The following ANTXR1 variants were observed in gnomAD, a reference collection of about 807,000 sequenced individuals.
ANTXR1 encodes the protein anthrax toxin receptor 1.
A neutral mutation model predicts 78.1 loss-of-function variants in ANTXR1; 19 were observed. The ratio of observed to expected loss-of-function variants is 0.24; its 90% CI spans 0.17 to 0.36. ANTXR1 has a LOEUF of 0.36. Ranked by LOEUF, ANTXR1 falls within the 10% of genes least tolerant of loss-of-function variation. The pLI is 1.00. For synonymous variants in ANTXR1, 273 were observed against 260.5 expected (o/e 1.05, Z -0.46); for missense variants, 518 against 718.6 (o/e 0.72, Z 3.19).
chr2:69,102,745 C>A, intron 9 of ANTXR1, 97 bp from the exon 10 acceptor site: 1 of 1,282,426 alleles, frequency 7.8e-7, no homozygotes, highest in Non-Finnish European at 1.1e-6. Context: ...ATATTTTAAG[C>A]CTGGTGAAAT....
In ANTXR1 at chr2:69,013,282, G is replaced by A; in HGVS notation, c.-218G>A. On this transcript the variant is annotated 5_prime_UTR_variant, in exon 1 of 18. Transcript: ENST00000303714. The surrounding 1 kb of genome is among the most constrained non-coding windows in gnomAD (Gnocchi z 5.0). ...TTTAAAAGAAGCGGAGGACAGGATT[G>A]GGATCCTTGAAACCCGAAACCCAGA... is the stretch of plus-strand genomic sequence containing the variant. The A allele has an allele frequency of 3.0e-6, 2 of 671,904 alleles. No individual in the cohort carries two copies. The highest frequency in any genetic ancestry group is 5.1e-6 in the Non-Finnish European group (2 of 393,456). The allele number at this position is 671,904 out of a possible 1,614,324, so 41.6% of individuals were successfully genotyped here. A position where few individuals can be genotyped will look rare whatever the true frequency, so the allele number is the denominator to read the frequency against.
chr2:69,108,107 G>T (rs1437812389), intron 10 of ANTXR1, among the ~76,000 whole-genome samples: 1 of 152,212 alleles, frequency 6.6e-6, no homozygotes, highest in Non-Finnish European at 1.5e-5. Flanking sequence ...AATGTGGCTA[G>T]TGCAATTGAG....
At chr2:69,018,065 GGAAA>G (rs981475772) in intron 1 of ANTXR1, among the ~76,000 whole-genome samples, 3 of 152,176 alleles carry the variant, frequency 2.0e-5, no homozygotes, top group African/African-American at 7.2e-5. Flanking sequence ...ATAGAATGTG[GGAAA>G]GAGAGCAGGA....
intron 17 of ANTXR1, among the ~76,000 whole-genome samples, chr2:69,217,564 C>G (rs1374985450): frequency 1.3e-5 from 2 of 152,172 alleles, no homozygotes; most frequent in Non-Finnish European, 2.9e-5. Context: ...CCCATGGGAG[C>G]TCATGGTTGT....
chr2:69,146,076 T>C, intron 12 of ANTXR1: 2 of 985,472 alleles, frequency 2.0e-6, no homozygotes, highest in Non-Finnish European at 2.4e-6. Context: ...GAGAATGTCA[T>C]CCCTAATGAC....
intron 8 of ANTXR1, among the ~76,000 whole-genome samples, chr2:69,089,294 A>ATC (rs1671152094): frequency 6.6e-6 from 1 of 152,228 alleles, no homozygotes; most frequent in Non-Finnish European, 1.5e-5. Flanking sequence ...CAATGAATGC[A>ATC]TCTTAATATT....
intron 16 of ANTXR1, among the ~76,000 whole-genome samples, chr2:69,191,922 C>T (rs550544582): frequency 1.3e-5 from 2 of 152,350 alleles, no homozygotes; most frequent in East Asian, 3.9e-4. Flanking sequence ...TTCCTCTCCA[C>T]AGCCCTCTGG....
At chr2:69,042,414 C>A (rs1010741490) in intron 2 of ANTXR1, among the ~76,000 whole-genome samples, 3 of 152,112 alleles carry the variant, frequency 2.0e-5, no homozygotes, top group African/African-American at 7.2e-5. Flanking sequence ...TCTCTGAGAT[C>A]CAAGTATCCC....
rs1670939989 is a variant in ANTXR1, at chr2:69,013,776, G to A, written c.152+125G>A. On this transcript the variant is annotated intron_variant, in intron 1 of 17. Transcript: ENST00000303714. This position sits in a 1 kb window ranked among gnomAD's most constrained non-coding sequence, Gnocchi z 5.0. Reference sequence around the variant, plus strand: ...GCATCTCCAGGGCCACAGAGGGACCGCGCGGCAGGCGGCGGCGGAGTGCTG... The same window carrying A: ...GCATCTCCAGGGCCACAGAGGGACCACGCGGCAGGCGGCGGCGGAGTGCTG... 1.4e-6 allele frequency: 2 copies of A among 1,477,038 alleles called. No homozygotes were observed. The highest frequency in any genetic ancestry group is 1.8e-6 in the Non-Finnish European group (2 of 1,083,458). The allele number at this position is 1,477,038 out of a possible 1,614,324, so 91.5% of individuals were successfully genotyped here. A position where few individuals can be genotyped will look rare whatever the true frequency, so the allele number is the denominator to read the frequency against.
chr2:69,165,140 G>T (rs1410958656), intron 13 of ANTXR1, among the ~76,000 whole-genome samples: 1 of 152,196 alleles, frequency 6.6e-6, no homozygotes, highest in Non-Finnish European at 1.5e-5. Flanking sequence ...AGCCCTCCAG[G>T]TGATTCTGAT....
chr2:69,070,378 C>T (rs937264281), intron 3 of ANTXR1, among the ~76,000 whole-genome samples: 1 of 152,122 alleles, frequency 6.6e-6, no homozygotes, highest in African/African-American at 2.4e-5. Flanking sequence ...AGAAGGAAAA[C>T]ATTGTGTTAA....
At chr2:69,145,216 C>T (rs776879071) in intron 12 of ANTXR1, 1 of 1,150,168 alleles carries the variant, frequency 8.7e-7, no homozygotes, top group South Asian at 1.3e-5. Flanking sequence ...GGCTGATTCG[C>T]TTAAACTTTA....
At chr2:69,079,783 G>A (rs1670847216) in intron 8 of ANTXR1, among the ~76,000 whole-genome samples, 1 of 152,226 alleles carries the variant, frequency 6.6e-6, no homozygotes, top group Non-Finnish European at 1.5e-5. Flanking sequence ...AAGATGGCTA[G>A]ATTCTGAAAA....
At chr2:69,222,608 G>C (rs892584986) in intron 17 of ANTXR1, among the ~76,000 whole-genome samples, 1 of 152,202 alleles carries the variant, frequency 6.6e-6, no homozygotes, top group Non-Finnish European at 1.5e-5. Context: ...CAGCAGACCG[G>C]AAGGGGGCTG....
chr2:69,094,493 G>A (rs953281550), intron 9 of ANTXR1, among the ~76,000 whole-genome samples: 4 of 152,340 alleles, frequency 2.6e-5, no homozygotes, highest in African/African-American at 9.6e-5. Flanking sequence ...AGACAGATAT[G>A]TAAAGAAGGT....
At chr2:69,224,531 T>G (rs1465368640) in intron 17 of ANTXR1, among the ~76,000 whole-genome samples, 1 of 152,186 alleles carries the variant, frequency 6.6e-6, no homozygotes, top group African/African-American at 2.4e-5. Flanking sequence ...GCAAGTGCCC[T>G]ACTTCCAAGT....
chr2:69,232,615 A>G (rs1368882788), intron 17 of ANTXR1, among the ~76,000 whole-genome samples: 1 of 152,156 alleles, frequency 6.6e-6, no homozygotes, highest in African/African-American at 2.4e-5. Flanking sequence ...GACAATTGGA[A>G]CATCTCAATA....
chr2:69,172,541 T>C, intron 14 of ANTXR1: 6 of 1,397,236 alleles, frequency 4.3e-6, no homozygotes, highest in Non-Finnish European at 5.6e-6. Context: ...ATTCAATAAA[T>C]AGCTATATGA....
rs142989797 is a variant in ANTXR1, at chr2:69,166,051, G to A, written c.1048-4197G>A. Among the ~76,000 whole-genome samples, 318 of 152,250 alleles carry A rather than the reference G, an allele frequency of 2.1e-3. 2 individuals carry two copies. Among genetic ancestry groups the A allele is most frequent in the African/African-American group, 7.1e-3 (297 of 41,548 alleles). ...GGCATGAAACAGGCCCTGAGAACAC[G>A]CAATCTTTCTACTCTATTCGTACTA... On this transcript the variant is annotated intron_variant, in intron 13 of 17. Transcript: ENST00000303714.
Sources: gnomAD v4.1 joint callset for allele counts (sites outside exome capture counted in the v4.1 genomes callset) on GRCh38, gnomAD v4.1.1 for gene constraint, Gnocchi (gnomAD v3.1) non-coding constraint, MANE v1.5 for transcripts, NCBI Gene and HGNC (gene_info 2026-07-23, HGNC 2026-07-21) for gene names.